PLA2G5: variants seen among roughly 807,000 people sequenced by gnomAD.
The protein encoded by PLA2G5 is Ca2+-dependent phospholipase A2.
In PLA2G5, 12 loss-of-function variants were observed where a neutral mutation model predicts 15.9. That is an observed-to-expected ratio of 0.76 (90% confidence interval 0.48 to 1.23). The LOEUF is 1.23. PLA2G5 is among the 50% of genes most tolerant of loss of function. The pLI, the probability that PLA2G5 is intolerant of heterozygous loss-of-function variation, is 0.00. For missense variants in PLA2G5, 169 were observed against 177.1 expected (o/e 0.95, Z 0.26); for synonymous variants, 71 against 71.4 (o/e 0.99, Z 0.03).
intron 1 of PLA2G5, among the ~76,000 whole-genome samples, chr1:20,084,281 AC>A (rs2016177299): frequency 6.6e-6 from 1 of 152,172 alleles, no homozygotes; most frequent in African/African-American, 2.4e-5. Flanking sequence ...CCTGCAAAGA[AC>A]CATCAGGGTA....
chr1:20,074,597 C>T (rs1202459045), intron 1 of PLA2G5, among the ~76,000 whole-genome samples: 2 of 152,142 alleles, frequency 1.3e-5, no homozygotes. Flanking sequence ...GGGGGCATAT[C>T]CCACCCACTC....
At chr1:20,058,694 G>T (rs2014557205) in intron 1 of PLA2G5, among the ~76,000 whole-genome samples, 1 of 152,148 alleles carries the variant, frequency 6.6e-6, no homozygotes, top group Admixed American at 6.6e-5. Flanking sequence ...GTGTGTAGGA[G>T]GGGTGTTAAA....
At chr1:20,035,697 A>G (rs2013206079) in intron 1 of PLA2G5, among the ~76,000 whole-genome samples, 1 of 152,178 alleles carries the variant, frequency 6.6e-6, no homozygotes, top group Non-Finnish European at 1.5e-5. Context: ...TTTTAAGTAG[A>G]GCATATAGGT....
At chr1:20,046,203 C>A (rs1383261648) in intron 1 of PLA2G5, 1 of 152,130 alleles carries the variant, frequency 6.6e-6, no homozygotes, top group Non-Finnish European at 1.5e-5. Context: ...GTCTTAATTT[C>A]TTTTTACCAT....
At chr1:20,040,295 G>A (rs528691682) in intron 1 of PLA2G5, among the ~76,000 whole-genome samples, 57 of 152,228 alleles carry the variant, frequency 3.7e-4, no homozygotes, top group Middle Eastern at 6.8e-3. Flanking sequence ...TCAAGATGAT[G>A]CAAAGGGATA....
intron 1 of PLA2G5, among the ~76,000 whole-genome samples, chr1:20,052,829 A>AC (rs2014242119): frequency 6.6e-6 from 1 of 151,994 alleles, no homozygotes; most frequent in Non-Finnish European, 1.5e-5. Context: ...ATTCAAAGTC[A>AC]CCCCCTGCCC....
At chr1:20,089,585 C>A (rs886432534) in intron 3 of PLA2G5, among the ~76,000 whole-genome samples, 1 of 152,078 alleles carries the variant, frequency 6.6e-6, no homozygotes, top group Non-Finnish European at 1.5e-5. Flanking sequence ...GTCGTGAGAC[C>A]AGGAGGAAAA....
intron 1 of PLA2G5, among the ~76,000 whole-genome samples, chr1:20,041,475 G>A (rs936161743): frequency 2.0e-5 from 3 of 152,198 alleles, no homozygotes; most frequent in African/African-American, 7.2e-5. Flanking sequence ...GTGGGCATGT[G>A]AGTAAAGTCA....
At position 20,083,342 on chromosome 1, in the gene PLA2G5, C is replaced by A. The variant is rs114074946; in HGVS notation, c.-10-1479C>A. Among the ~76,000 whole-genome samples, 564 of 151,876 alleles carry A rather than the reference C, an allele frequency of 3.7e-3. 19 individuals carry two copies. Among genetic ancestry groups the A allele is most frequent in the African/African-American group, 0.012 (481 of 41,200 alleles). ...CCTGCCAGCCCAGTAGCCAGGAGCCCAGGGGAGTCTGAAGCATGTTTGGAG... is the reference window on the plus strand; with the variant it reads ...CCTGCCAGCCCAGTAGCCAGGAGCCAAGGGGAGTCTGAAGCATGTTTGGAG... On this transcript the variant is annotated intron_variant, in intron 1 of 4. Transcript: ENST00000375108.
intron 1 of PLA2G5, among the ~76,000 whole-genome samples, chr1:20,042,986 G>A (rs1416442361): frequency 1.3e-5 from 2 of 152,100 alleles, no homozygotes; most frequent in African/African-American, 2.4e-5. Context: ...AGAAGCAGAC[G>A]GACGGAAAGA....
intron 1 of PLA2G5, among the ~76,000 whole-genome samples, chr1:20,083,891 C>T (rs996233405): frequency 2.6e-5 from 4 of 151,846 alleles, no homozygotes; most frequent in East Asian, 1.9e-4. Flanking sequence ...GCAGCACTCT[C>T]GTGAGCCCCC....
At chr1:20,037,067 C>G (rs2013295106) in intron 1 of PLA2G5, among the ~76,000 whole-genome samples, 1 of 152,182 alleles carries the variant, frequency 6.6e-6, no homozygotes, top group African/African-American at 2.4e-5. Context: ...TCAGAGATTT[C>G]TTCTTGGTTT....
At chr1:20,054,571 T>C (rs1249935594) in intron 1 of PLA2G5, among the ~76,000 whole-genome samples, 1 of 151,998 alleles carries the variant, frequency 6.6e-6, no homozygotes, top group Non-Finnish European at 1.5e-5. Flanking sequence ...TTTCAAAATA[T>C]GTTTAATGTT....
chr1:20,040,600 AC>A (rs1406385086), intron 1 of PLA2G5, among the ~76,000 whole-genome samples: 87 of 152,122 alleles, frequency 5.7e-4, no homozygotes, highest in African/African-American at 2.1e-3. Context: ...ACACACACAC[AC>A]ACACAAACAC....
chr1:20,089,872 T>C lies in PLA2G5; in HGVS notation c.269T>C (p.Phe90Ser). 6.2e-7 allele frequency: 1 copy of C among 1,613,808 alleles called. No individual in the cohort carries two copies. The change falls in exon 4 of 5, where the codon TTC becomes TCC. Residue 90 changes from phenylalanine to serine, a missense_variant. Phe to Ser is a radical substitution (Grantham distance 155). Coordinates refer to ENST00000375108, the MANE Select transcript of PLA2G5 (RefSeq NM_000929.3). ...CGCACACAGTCCTACAAATACAGAT[T>C]CGCGTGGGGCGTGGTCACCTGCGGT... ...NIRTQSYKYR[F>S]AWGVVTCEPG...
intron 1 of PLA2G5, among the ~76,000 whole-genome samples, chr1:20,074,443 T>A (rs1045196777): frequency 3.3e-5 from 5 of 152,292 alleles, no homozygotes; most frequent in African/African-American, 1.2e-4. Context: ...CTTGGCAAAA[T>A]GTAATTTTAA....
Position 20,070,328 on chromosome 1 carries a change from C to T in PLA2G5, c.-148C>T, listed in dbSNP as rs1344528653. The stretch of plus-strand genomic sequence containing the variant: ...TCTGGAGGCCAAGAATTTGACTCCC[C>T]CCGGATCCATGGTCTGTGGATACCA... On this transcript the variant is annotated 5_prime_UTR_variant, in exon 1 of 5. Transcript: ENST00000375108. 9 of 985,498 alleles carry T rather than the reference C, an allele frequency of 9.1e-6. No individual in the cohort carries two copies. In the East Asian group the frequency reaches 1.0e-3, roughly 112 times the overall value. The allele number at this position is 985,498 out of a possible 1,614,324, so 61.0% of individuals were successfully genotyped here.
chr1:20,062,603 G>T (rs2014789601), intron 2 of PLA2G5, among the ~76,000 whole-genome samples: 1 of 152,122 alleles, frequency 6.6e-6, no homozygotes, highest in African/African-American at 2.4e-5. Flanking sequence ...AGACCAGCCT[G>T]GGCAACATAG....
chr1:20,051,028 C>T (rs925790134), intron 1 of PLA2G5, among the ~76,000 whole-genome samples: 17 of 152,048 alleles, frequency 1.1e-4, no homozygotes, highest in Admixed American at 1.0e-3. Context: ...TGGGAAACTT[C>T]TATAATTCTG....
Sources: allele counts gnomAD v4.1 joint callset (sites outside exome capture counted in the v4.1 genomes callset), GRCh38; gene constraint gnomAD v4.1.1; transcripts MANE v1.5; gene names NCBI Gene and HGNC (gene_info 2026-07-23, HGNC 2026-07-21).